E2F6: variants seen among roughly 807,000 people sequenced by gnomAD.
The protein encoded by E2F6 is transcription factor E2F6.
Under a neutral mutation model 31.5 loss-of-function variants are expected in E2F6, and 19 were observed. That is an observed-to-expected ratio of 0.60 (90% CI 0.42 to 0.89). The LOEUF (loss-of-function observed/expected upper bound fraction) is 0.89. Ranked by LOEUF, E2F6 falls within the 40% of genes least tolerant of loss-of-function variation. E2F6 has a pLI of 0.00. For synonymous variants in E2F6, 121 were observed against 127.7 expected (o/e 0.95, Z 0.36); for missense variants, 269 against 341.6 (o/e 0.79, Z 1.67).
In E2F6 at chr2:11,444,800, A is replaced by G. The variant is rs1263581219; in HGVS notation, c.*1677T>C. On this transcript the variant is annotated 3_prime_UTR_variant, in exon 7 of 7. Coordinates refer to ENST00000381525, the MANE Select transcript of E2F6 (RefSeq NM_198256.4). ...AACAACCTGCTCAACTCTTGCTTTC[A>G]TCAAGCATGTCCCAAACCTAAGTTT... is the stretch of plus-strand genomic sequence containing the variant. 6.6e-6 allele frequency: 1 copy of G among 152,268 alleles called. No homozygotes were observed. Among genetic ancestry groups the G allele is most frequent in the Non-Finnish European group, 1.5e-5 (1 of 68,122 alleles). The allele number at this position is 152,268 out of a possible 1,614,324, so 9.4% of individuals were successfully genotyped here. A position where few individuals can be genotyped will look rare whatever the true frequency, so the allele number is the denominator to read the frequency against.
chr2:11,463,405 G>C (rs1671909700), intron 1 of E2F6, among the ~76,000 whole-genome samples: 1 of 152,152 alleles, frequency 6.6e-6, no homozygotes, highest in Admixed American at 6.5e-5. Flanking sequence ...TTTACTATAA[G>C]AAAACAGTAA....
Position 11,451,631 on chromosome 2 carries a change from G to C in E2F6, c.536+20C>G, listed in dbSNP as rs771360552. 1.3e-6 allele frequency: 2 copies of C among 1,599,122 alleles called. No homozygotes were observed. The highest frequency in any genetic ancestry group is 1.7e-6 in the Non-Finnish European group (2 of 1,173,930). Reference sequence around the variant, plus strand: ...GTTTTGGAAGCAGAAATTTTAAAAAGGTATAGACTTAAAGGATATCTTTCA... The same window carrying C: ...GTTTTGGAAGCAGAAATTTTAAAAACGTATAGACTTAAAGGATATCTTTCA... On this transcript the variant is annotated intron_variant, in intron 4 of 6. Coordinates refer to ENST00000381525, the MANE Select transcript of E2F6 (RefSeq NM_198256.4).
At chr2:11,460,408 T>G (rs1439922010) in intron 1 of E2F6, among the ~76,000 whole-genome samples, 4 of 152,206 alleles carry the variant, frequency 2.6e-5, no homozygotes, top group Non-Finnish European at 4.4e-5. Context: ...CTCTTTCCCG[T>G]TTGTCCTTGG....
At chr2:11,460,818 T>C (rs1671729896) in intron 1 of E2F6, among the ~76,000 whole-genome samples, 1 of 152,216 alleles carries the variant, frequency 6.6e-6, no homozygotes, top group Non-Finnish European at 1.5e-5. Flanking sequence ...ATGGTATTTG[T>C]GCATCTAAAC....
At chr2:11,457,928 T>A (rs1035258550) in intron 1 of E2F6, among the ~76,000 whole-genome samples, 1 of 152,244 alleles carries the variant, frequency 6.6e-6, no homozygotes, top group African/African-American at 2.4e-5. Context: ...ATAAAAAGTT[T>A]CTTTTAAATT....
chr2:11,449,148 G>A (rs10929742), intron 5 of E2F6, among the ~76,000 whole-genome samples: 48,768 of 152,156 alleles, frequency 0.32, 9,396 homozygotes, highest in East Asian at 0.61. Flanking sequence ...TGTGTTGATT[G>A]GCAGTTTCTT....
intron 6 of E2F6, among the ~76,000 whole-genome samples, chr2:11,447,090 A>G (rs1670764310): frequency 6.6e-6 from 1 of 152,082 alleles, no homozygotes; most frequent in Non-Finnish European, 1.5e-5. Flanking sequence ...CAATTCCACT[A>G]TTTGGGATCT....
At chr2:11,463,948 C>T (rs1414283498) in intron 1 of E2F6, among the ~76,000 whole-genome samples, 1 of 71,626 alleles carries the variant, frequency 1.4e-5, no homozygotes, top group Non-Finnish European at 2.9e-5. Flanking sequence ...GATCCTGCAC[C>T]GGGGGGGGGG....
chr2:11,448,945 G>C (rs1237088707), intron 5 of E2F6, among the ~76,000 whole-genome samples: 2 of 152,210 alleles, frequency 1.3e-5, no homozygotes, highest in Admixed American at 6.5e-5. Context: ...TAGGTCCCCA[G>C]ATCTTCACGG....
At chr2:11,463,383 T>C (rs932437132) in intron 1 of E2F6, among the ~76,000 whole-genome samples, 9 of 152,230 alleles carry the variant, frequency 5.9e-5, no homozygotes, top group Non-Finnish European at 1.0e-4. Context: ...ACATTTTCTT[T>C]TCTTTAGCTA....
At chr2:11,461,136 T>C (rs1671752196) in intron 1 of E2F6, among the ~76,000 whole-genome samples, 1 of 152,118 alleles carries the variant, frequency 6.6e-6, no homozygotes, top group Non-Finnish European at 1.5e-5. Context: ...ATTAATCCCC[T>C]TAGACAGGGG....
At chr2:11,465,047 G>A (rs1672054940) in intron 1 of E2F6, among the ~76,000 whole-genome samples, 2 of 151,848 alleles carry the variant, frequency 1.3e-5, no homozygotes, top group Admixed American at 6.6e-5. Context: ...GTGTGGTGGC[G>A]CATGCCTGTG....
rs1358776490 is a variant in E2F6 at position 11,446,034 on chromosome 2, A to G, written c.*443T>C. 3 of 158,758 alleles carry G rather than the reference A, an allele frequency of 1.9e-5. No homozygotes were observed. Among genetic ancestry groups the G allele is most frequent in the Non-Finnish European group, 4.2e-5 (3 of 72,226 alleles). 9.8% of individuals were successfully genotyped at this position (158,758 alleles called of 1,614,324 possible). A position where few individuals can be genotyped will look rare whatever the true frequency, so the allele number is the denominator to read the frequency against. On this transcript the variant is annotated 3_prime_UTR_variant, in exon 7 of 7. Transcript: ENST00000381525. ...TCTCAACATTATACAGATATATACA[A>G]AGACATCACATTTAAATTCGTGTGT...
intron 1 of E2F6, among the ~76,000 whole-genome samples, chr2:11,458,963 C>G (rs1051010560): frequency 1.3e-5 from 2 of 152,180 alleles, no homozygotes; most frequent in Admixed American, 1.3e-4. Context: ...TGGTATCCAA[C>G]AGTGAAACTC....
Position 11,446,370 on chromosome 2 carries a change from G to A in E2F6, c.*107C>T, listed in dbSNP as rs1264407075. On this transcript the variant is annotated 3_prime_UTR_variant, in exon 7 of 7. Coordinates refer to ENST00000381525, the MANE Select transcript of E2F6 (RefSeq NM_198256.4). Reference sequence around the variant, plus strand: ...TGGCCATGATGCCGCTACTGAGAACGAGAGCACTTCATGGATAATTTATTG... The same window carrying A: ...TGGCCATGATGCCGCTACTGAGAACAAGAGCACTTCATGGATAATTTATTG... 18 of 805,360 alleles carry A rather than the reference G, an allele frequency of 2.2e-5. No homozygotes were observed. Among genetic ancestry groups the A allele is most frequent in the African/African-American group, 1.5e-4 (9 of 58,296 alleles). 49.9% of individuals were successfully genotyped at this position (805,360 alleles called of 1,614,324 possible). A position where few individuals can be genotyped will look rare whatever the true frequency, so the allele number is the denominator to read the frequency against.
chr2:11,457,237 A>G lies in E2F6; in HGVS notation c.109-4T>C. 6.6e-7 allele frequency: 1 copy of G among 1,506,636 alleles called. No individual in the cohort carries two copies. The highest frequency in any genetic ancestry group is 1.1e-5 in the South Asian group (1 of 87,396). The allele number at this position is 1,506,636 out of a possible 1,614,324, so 93.3% of individuals were successfully genotyped here. On this transcript the variant is annotated splice_region_variant and splice_polypyrimidine_tract_variant and intron_variant, in intron 1 of 6. Coordinates refer to ENST00000381525, the MANE Select transcript of E2F6 (RefSeq NM_198256.4). The stretch of plus-strand genomic sequence containing the variant: ...AATTAATCCTTATTTTTGATGGCTG[A>G]AAAAAAAGATAAAAAATTTAACTTA...
intron 1 of E2F6, among the ~76,000 whole-genome samples, chr2:11,460,529 T>C (rs1671710598): frequency 6.6e-6 from 1 of 152,178 alleles, no homozygotes; most frequent in Admixed American, 6.5e-5. Flanking sequence ...TCCCAAGGTC[T>C]CCAGCTTGCA....
chr2:11,459,605 C>T (rs1189980081), intron 1 of E2F6, among the ~76,000 whole-genome samples: 1 of 151,932 alleles, frequency 6.6e-6, no homozygotes, highest in Non-Finnish European at 1.5e-5. Flanking sequence ...TAAGTCCAGG[C>T]GCGGTGGCTC....
chr2:11,460,950 A>G (rs1671738978), intron 1 of E2F6, among the ~76,000 whole-genome samples: 1 of 150,230 alleles, frequency 6.7e-6, no homozygotes, highest in Non-Finnish European at 1.5e-5. Context: ...ATTTGGTACC[A>G]GAAGTGGAGT....
Sources: allele counts gnomAD v4.1 joint callset (sites outside exome capture counted in the v4.1 genomes callset), GRCh38; gene constraint gnomAD v4.1.1; transcripts MANE v1.5; gene names NCBI Gene and HGNC (gene_info 2026-07-23, HGNC 2026-07-21).